SH2D5: variants seen among roughly 807,000 people sequenced by gnomAD.
The protein encoded by SH2D5 is SH2 domain containing 5.
In SH2D5, 45 loss-of-function variants were observed where a neutral mutation model predicts 48.2. The ratio of observed to expected loss-of-function variants is 0.93; its 90% CI spans 0.73 to 1.20. The LOEUF (loss-of-function observed/expected upper bound fraction) is 1.20, where lower values mean the gene tolerates loss of function less well. Among genes scored for constraint, SH2D5 ranks in the 50% most tolerant of loss-of-function variants. SH2D5 has a pLI of 0.00. For missense variants in SH2D5, 538 were observed against 584.1 expected (o/e 0.92, Z 0.81); for synonymous variants, 230 against 249.8 (o/e 0.92, Z 0.75).
Position 20,724,261 on chromosome 1 carries a change from C to T in SH2D5, c.631-10G>A, listed in dbSNP as rs756403313. 1 of 1,611,548 alleles carries T rather than the reference C, an allele frequency of 6.2e-7. No homozygotes were observed. Among genetic ancestry groups the T allele is most frequent in the Non-Finnish European group, 8.5e-7 (1 of 1,178,990 alleles). Reference sequence around the variant, plus strand: ...ACTCTGGCAGCTCCTTCTAGGGCACCAAGAGGGGCCCACAGGCAGGCAGAC... The same window carrying T: ...ACTCTGGCAGCTCCTTCTAGGGCACTAAGAGGGGCCCACAGGCAGGCAGAC... On this transcript the variant is annotated splice_polypyrimidine_tract_variant and intron_variant, in intron 6 of 9. Transcript: ENST00000444387.
chr1:20,731,126 G>C (rs146038953), intron 1 of SH2D5: 1 of 152,442 alleles, frequency 6.6e-6, no homozygotes, highest in African/African-American at 2.4e-5. Context: ...CAGATAAGTA[G>C]GGTGTCCACT....
chr1:20,731,868 C>T (rs2054917539), intron 1 of SH2D5, among the ~76,000 whole-genome samples: 1 of 152,042 alleles, frequency 6.6e-6, no homozygotes, highest in African/African-American at 2.4e-5. Context: ...CTGCAGGGGA[C>T]GGAGGAGGCT....
At position 20,720,546 on chromosome 1, in the gene SH2D5, G is replaced by A. The variant is rs568151365; in HGVS notation, c.*1246C>T. 8 of 152,398 alleles carry A rather than the reference G, an allele frequency of 5.2e-5. No homozygotes were observed. The highest frequency in any genetic ancestry group is 8.8e-5 in the Non-Finnish European group (6 of 68,046). 9.4% of individuals were successfully genotyped at this position (152,398 alleles called of 1,614,324 possible). On this transcript the variant is annotated 3_prime_UTR_variant, in exon 10 of 10. Transcript: ENST00000444387. ...AGAGGGCAGCCCCCAGGCTCATGAC[G>A]TGGCTTCTGCTTCAATAAGAGAAGT...
At chr1:20,723,989 A>C in intron 7 of SH2D5, 94 bp downstream of exon 7, 1 of 1,486,594 alleles carries the variant, frequency 6.7e-7, no homozygotes, top group Non-Finnish European at 9.1e-7. Context: ...ACAGCCTTGC[A>C]GGAACGGGCA....
chr1:20,724,141 C>G lies in SH2D5; in HGVS notation c.741G>C (p.Ser247=). The G allele has an allele frequency of 6.2e-7, 1 of 1,613,044 alleles. No individual in the cohort carries two copies. Among genetic ancestry groups the G allele is most frequent in the Non-Finnish European group, 8.5e-7 (1 of 1,179,988 alleles). Residue 247 remains serine, a synonymous_variant, in exon 7 of 10, where the codon TCG becomes TCC. Coordinates refer to ENST00000444387, the MANE Select transcript of SH2D5 (RefSeq NM_001103161.2). ...CATAGGTGCAGCCGCGGTAGGCCCC[C>G]GAGCGGATCACCTTGCTGCGAATGG... ...KKAIRSKVIR[S]GAYRGCTYET...
At chr1:20,730,518 T>C (rs531044) in intron 1 of SH2D5, among the ~76,000 whole-genome samples, 99,315 of 152,054 alleles carry the variant, frequency 0.65, 32,799 homozygotes, top group East Asian at 0.88. Flanking sequence ...CCAGCCCACC[T>C]ACCATCACCT....
chr1:20,731,883 T>C (rs1398145314), intron 1 of SH2D5, among the ~76,000 whole-genome samples: 1 of 151,870 alleles, frequency 6.6e-6, no homozygotes, highest in Admixed American at 6.6e-5. Flanking sequence ...GAGGCTACAG[T>C]GGCAGGGAGG....
intron 7 of SH2D5, 35 bp downstream of exon 7, chr1:20,724,048 G>A: frequency 2.5e-6 from 4 of 1,596,394 alleles, no homozygotes; most frequent in Non-Finnish European, 3.4e-6. Flanking sequence ...ACGTGTCCCA[G>A]GTACACACAG....
At chr1:20,723,483 T>A in intron 8 of SH2D5, 143 bp downstream of exon 8, 1 of 621,588 alleles carries the variant, frequency 1.6e-6, no homozygotes, top group Non-Finnish European at 2.9e-6. Flanking sequence ...AGGCCCAGGG[T>A]GGTGAAGTCC....
chr1:20,724,052 C>A (rs1196934888), intron 7 of SH2D5, 31 bp downstream of exon 7: 1 of 1,596,936 alleles, frequency 6.3e-7, no homozygotes, highest in South Asian at 1.1e-5. Flanking sequence ...GTCCCAGGTA[C>A]ACACAGGGCA....
Position 20,728,150 on chromosome 1 carries a change from G to A in SH2D5, c.-42-64C>T. On this transcript the variant is annotated intron_variant, in intron 1 of 9. Coordinates refer to ENST00000444387, the MANE Select transcript of SH2D5 (RefSeq NM_001103161.2). The surrounding 1 kb of genome is among the most constrained non-coding windows in gnomAD (Gnocchi z 4.3). ...GGCAAGCCACAGAGTGCCCCCCACA[G>A]GCCATTCATTCACTGGCTTCCTGAG... 1 of 747,974 alleles carries A rather than the reference G, an allele frequency of 1.3e-6. No homozygotes were observed. 46.3% of individuals were successfully genotyped at this position (747,974 alleles called of 1,614,324 possible). A position where few individuals can be genotyped will look rare whatever the true frequency, so the allele number is the denominator to read the frequency against.
In SH2D5 at chr1:20,732,625, C is replaced by A. The variant is rs3818982; in HGVS notation, c.-487G>T. ...GAGGAGGCGCTCAGGGTGGTTCGGG[C>A]CCGGCCCTTGTGAGTGGAGGGTCGT... On this transcript the variant is annotated 5_prime_UTR_variant, in exon 1 of 10. Coordinates refer to ENST00000444387, the MANE Select transcript of SH2D5 (RefSeq NM_001103161.2). The surrounding 1 kb of genome is among the most constrained non-coding windows in gnomAD (Gnocchi z 5.1). 6.0e-3 allele frequency: 921 copies of A among 152,378 alleles called. 14 individuals carry two copies. Among genetic ancestry groups the A allele is most frequent in the East Asian group, 0.023 (121 of 5,162 alleles). The allele number at this position is 152,378 out of a possible 1,614,324, so 9.4% of individuals were successfully genotyped here.
In SH2D5 at chr1:20,728,459, G is replaced by C. The variant is rs1049975909; in HGVS notation, c.-42-373C>G. Among the ~76,000 whole-genome samples, 2 of 152,116 alleles carry C rather than the reference G, an allele frequency of 1.3e-5. No individual in the cohort carries two copies. Among genetic ancestry groups the C allele is most frequent in the African/African-American group, 2.4e-5 (1 of 41,428 alleles). ...AAGGGTGTGGCGGTACATGCCCAGG[G>C]TCACTCAAAAACTCAGCAAGCACTG... On this transcript the variant is annotated intron_variant, in intron 1 of 9. Coordinates refer to ENST00000444387, the MANE Select transcript of SH2D5 (RefSeq NM_001103161.2). The surrounding 1 kb of genome is among the most constrained non-coding windows in gnomAD (Gnocchi z 4.3).
At position 20,727,582 on chromosome 1, in the gene SH2D5, C is replaced by T. The variant is rs2154538624; in HGVS notation, c.109G>A (p.Asp37Asn). 2.5e-6 allele frequency: 4 copies of T among 1,610,510 alleles called. No homozygotes were observed. The highest frequency in any genetic ancestry group is 4.5e-5 in the East Asian group (2 of 44,850). ...ACGCTCTCCTGGGTGTCCAGGTCAT[C>T]CACAGGGAAGGAGCCCACGTACTGC... Reference protein sequence around the residue: ...FAQYVGSFPVDDLDTQESVWL... With the variant: ...FAQYVGSFPVNDLDTQESVWL... The change falls in exon 3 of 10, where the codon GAT becomes AAT. Residue 37 changes from aspartate to asparagine, a missense_variant. By Grantham distance (23) the Asp-to-Asn change is conservative (BLOSUM62 1). Transcript: ENST00000444387.
At chr1:20,726,121 T>A in intron 4 of SH2D5, 55 bp from the exon 5 acceptor site, 1 of 1,529,364 alleles carries the variant, frequency 6.5e-7, no homozygotes, top group Non-Finnish European at 8.8e-7. Context: ...GCCCCACCCC[T>A]GCTTGCCAGC....
chr1:20,724,400 C>T lies in SH2D5; in HGVS notation c.626G>A (p.Ser209Asn). The T allele has an allele frequency of 6.2e-7, 1 of 1,612,664 alleles. No homozygotes were observed. The highest frequency in any genetic ancestry group is 1.3e-5 in the African/African-American group (1 of 75,062). Residue 209 changes from serine (S) to asparagine (N), a missense_variant, in exon 6 of 10, where the codon AGT becomes AAT. Coordinates refer to ENST00000444387, the MANE Select transcript of SH2D5 (RefSeq NM_001103161.2). ...CTTGGCTGGGGTGCTGCGTACCCCA[C>T]TGCCCACCAGCCCCTCTGCTGGCAG... ...RRLPAEGLVG[S>N]GKELPESEGR... is the part of the protein sequence containing the mutation.
intron 5 of SH2D5, 104 bp downstream of exon 5, chr1:20,725,816 G>C (rs2054786211): frequency 7.0e-7 from 1 of 1,419,294 alleles, no homozygotes. Context: ...ATGCCTGGAG[G>C]GGGATCAGGC....
chr1:20,727,468 C>T, intron 3 of SH2D5, 55 bp downstream of exon 3: 1 of 1,484,578 alleles, frequency 6.7e-7, no homozygotes, highest in Non-Finnish European at 9.2e-7. Flanking sequence ...TAGGGGGTTA[C>T]CTGGTCTTCA....
chr1:20,727,601 G>A lies in SH2D5; in HGVS notation c.90C>T (p.Tyr30=), dbSNP rs754347673. 30 of 1,607,804 alleles carry A rather than the reference G, an allele frequency of 1.9e-5. No homozygotes were observed. The highest frequency in any genetic ancestry group is 1.7e-4 in the Middle Eastern group (1 of 6,016). The change falls in exon 3 of 10, where the codon TAC becomes TAT. Residue 30 remains tyrosine, a splice_region_variant and synonymous_variant. Transcript: ENST00000444387. The part of the protein sequence containing the change: ...RPRCITKFAQ[Y]VGSFPVDDLD... ...GGTCATCCACAGGGAAGGAGCCCACGTACTGCTCGGCAGTGGGGTGAAGGG... is the reference window on the plus strand; with the variant it reads ...GGTCATCCACAGGGAAGGAGCCCACATACTGCTCGGCAGTGGGGTGAAGGG...
Sources: gnomAD v4.1 joint callset for allele counts (sites outside exome capture counted in the v4.1 genomes callset) on GRCh38, gnomAD v4.1.1 for gene constraint, Gnocchi (gnomAD v3.1) non-coding constraint, MANE v1.5 for transcripts, NCBI Gene and HGNC (gene_info 2026-07-23, HGNC 2026-07-21) for gene names.